Variants in CFAP299 observed in about 807,000 individuals in gnomAD.
CFAP299 encodes the protein cilia- and flagella-associated protein 299.
Under a neutral mutation model 27.0 loss-of-function variants are expected in CFAP299, and 21 were observed. The ratio of observed to expected loss-of-function variants is 0.78; its 90% CI spans 0.55 to 1.12. The LOEUF is 1.12. Ranked by LOEUF, CFAP299 falls within the 50% of genes most tolerant of loss-of-function variation. CFAP299 has a pLI of 0.00. For synonymous variants in CFAP299, 104 were observed against 98.1 expected, an observed-to-expected ratio of 1.06 and a Z score of -0.36; for missense variants, 310 against 276.6, an observed-to-expected ratio of 1.12 and a Z score of -0.86.
chr4:80,378,892 A>G (rs1478447282), intron 2 of CFAP299, among the ~76,000 whole-genome samples: 2 of 151,840 alleles, frequency 1.3e-5, no homozygotes, highest in Admixed American at 6.6e-5. Context: ...CATTCATTTT[A>G]TGTATTTGTC....
chr4:80,351,471 A>G (rs768448628), intron 1 of CFAP299, among the ~76,000 whole-genome samples: 17 of 152,122 alleles, frequency 1.1e-4, no homozygotes, highest in Non-Finnish European at 1.9e-4. Context: ...GCTGAAAAAT[A>G]AAGTAGACAT....
At chr4:80,588,755 A>T (rs1736575477) in intron 3 of CFAP299, among the ~76,000 whole-genome samples, 1 of 152,168 alleles carries the variant, frequency 6.6e-6, no homozygotes, top group Admixed American at 6.5e-5. Context: ...AATGATAATA[A>T]TAATGATTAT....
At chr4:80,510,199 G>A (rs769498269) in intron 2 of CFAP299, among the ~76,000 whole-genome samples, 4 of 151,870 alleles carry the variant, frequency 2.6e-5, no homozygotes, top group Admixed American at 6.6e-5. Flanking sequence ...AATATGTTTC[G>A]CTTATCTGAA....
chr4:80,474,504 C>T (rs1338926178), intron 2 of CFAP299, among the ~76,000 whole-genome samples: 1 of 152,154 alleles, frequency 6.6e-6, no homozygotes, highest in Non-Finnish European at 1.5e-5. Flanking sequence ...CCCCATCCCA[C>T]CCCAGCTGGG....
intron 3 of CFAP299, among the ~76,000 whole-genome samples, chr4:80,654,921 A>G (rs902477772): frequency 1.7e-4 from 25 of 151,322 alleles, no homozygotes; most frequent in African/African-American, 6.1e-4. Context: ...TAGCTATTCT[A>G]ACTTACTATT....
chr4:80,354,991 C>T (rs1723192741), intron 1 of CFAP299, among the ~76,000 whole-genome samples: 1 of 151,980 alleles, frequency 6.6e-6, no homozygotes, highest in African/African-American at 2.4e-5. Context: ...TATACATGTG[C>T]ATGTATATTT....
At chr4:80,909,884 C>G (rs1043281525) in intron 4 of CFAP299, among the ~76,000 whole-genome samples, 3 of 151,936 alleles carry the variant, frequency 2.0e-5, no homozygotes, top group Non-Finnish European at 4.4e-5. Context: ...TAAATTTAGC[C>G]AAATAACTAA....
intron 4 of CFAP299, among the ~76,000 whole-genome samples, chr4:80,932,419 C>A (rs953596204): frequency 6.6e-6 from 1 of 151,888 alleles, no homozygotes; most frequent in Non-Finnish European, 1.5e-5. Flanking sequence ...TCCTATCAAC[C>A]CAAATAACTG....
intron 2 of CFAP299, among the ~76,000 whole-genome samples, chr4:80,577,777 A>G (rs1324109111): frequency 2.0e-5 from 3 of 152,208 alleles, no homozygotes; most frequent in Non-Finnish European, 1.5e-5. Context: ...CCAAAAAATA[A>G]TTGATATCAC....
At chr4:80,753,001 C>T (rs548908236) in intron 3 of CFAP299, among the ~76,000 whole-genome samples, 2 of 151,926 alleles carry the variant, frequency 1.3e-5, no homozygotes, top group Non-Finnish European at 2.9e-5. Context: ...TGTCCTTTAG[C>T]ACGTTTGTAT....
chr4:80,736,565 C>T (rs1422431953), intron 3 of CFAP299, among the ~76,000 whole-genome samples: 1 of 152,064 alleles, frequency 6.6e-6, no homozygotes, highest in Non-Finnish European at 1.5e-5. Context: ...TGAAAAAATG[C>T]TCACCATCAC....
At chr4:80,405,979 A>G (rs1051266549) in intron 2 of CFAP299, among the ~76,000 whole-genome samples, 5 of 152,190 alleles carry the variant, frequency 3.3e-5, no homozygotes, top group Non-Finnish European at 7.3e-5. Context: ...ATAGAAAATG[A>G]TAGCATTATG....
At chr4:80,744,254 A>G (rs1324259737) in intron 3 of CFAP299, among the ~76,000 whole-genome samples, 1 of 152,064 alleles carries the variant, frequency 6.6e-6, no homozygotes, top group Non-Finnish European at 1.5e-5. Context: ...CTGCCTTTCC[A>G]TTTCCTGGAT....
intron 3 of CFAP299, among the ~76,000 whole-genome samples, chr4:80,618,874 A>G (rs2109928523): frequency 6.6e-6 from 1 of 152,220 alleles, no homozygotes; most frequent in South Asian, 2.1e-4. Flanking sequence ...GGAGCTGAAA[A>G]GAAATGCTTT....
intron 2 of CFAP299, among the ~76,000 whole-genome samples, chr4:80,390,823 G>GTA (rs1210239434): frequency 1.0e-5 from 1 of 99,144 alleles, no homozygotes; most frequent in African/African-American, 4.1e-5. Flanking sequence ...ACACATATAT[G>GTA]TATATGTATA....
intron 1 of CFAP299, among the ~76,000 whole-genome samples, chr4:80,355,354 C>CTT (rs70944772): frequency 0.015 from 1,422 of 95,508 alleles, 53 homozygotes; most frequent in South Asian, 0.019. Context: ...ATGTCCTTTG[C>CTT]TTTTTTTTTT....
chr4:80,832,693 C>T (rs985423833), intron 3 of CFAP299, among the ~76,000 whole-genome samples: 2 of 151,928 alleles, frequency 1.3e-5, no homozygotes, highest in Non-Finnish European at 2.9e-5. Flanking sequence ...GGAGGTATAG[C>T]GTTTATTATC....
At chr4:80,500,443 C>T (rs1207403123) in intron 2 of CFAP299, among the ~76,000 whole-genome samples, 4 of 152,050 alleles carry the variant, frequency 2.6e-5, no homozygotes, top group Non-Finnish European at 5.9e-5. Context: ...TTATTAAAGT[C>T]AAATCCTTAA....
upstream of CFAP299, among the ~76,000 whole-genome samples, chr4:80,334,569 T>C (rs1578324270): frequency 6.6e-6 from 1 of 152,294 alleles, no homozygotes; most frequent in Non-Finnish European, 1.5e-5. Flanking sequence ...TGGCCTATTA[T>C]TACTTTTGAT....
Sources: gnomAD v4.1 joint callset for allele counts (sites outside exome capture counted in the v4.1 genomes callset) on GRCh38, gnomAD v4.1.1 for gene constraint, MANE v1.5 for transcripts, NCBI Gene and HGNC (gene_info 2026-07-23, HGNC 2026-07-21) for gene names.